Variants in STMN2 observed in about 807,000 individuals in gnomAD.
STMN2 encodes stathmin 2.
In STMN2, 2 loss-of-function variants were observed where a neutral mutation model predicts 24.1. That is an observed-to-expected ratio of 0.08 (90% CI 0.03 to 0.26). STMN2 has a LOEUF of 0.26. Among genes scored for constraint, STMN2 ranks in the 10% least tolerant of loss-of-function variants. The probability of loss-of-function intolerance (pLI) is 1.00; values close to 1 mark genes in which losing one functional copy is unlikely to be tolerated. For missense variants in STMN2, 114 were observed against 213.6 expected (o/e 0.53, Z 2.91); for synonymous variants, 83 against 77.5 (o/e 1.07, Z -0.37).
At chr8:79,616,434 C>T (rs866671099) in intron 1 of STMN2, among the ~76,000 whole-genome samples, 1 of 152,074 alleles carries the variant, frequency 6.6e-6, no homozygotes, top group Admixed American at 6.5e-5. Context: ...TAATTCTAAT[C>T]CAGCTATAAA....
chr8:79,640,451 C>CT (rs34533772), intron 2 of STMN2, among the ~76,000 whole-genome samples: 68,772 of 151,954 alleles, frequency 0.45, 16,281 homozygotes, highest in Middle Eastern at 0.54. Flanking sequence ...TTTCCCCCAA[C>CT]TTTTTTAAGG....
intron 4 of STMN2, among the ~76,000 whole-genome samples, chr8:79,662,809 T>A (rs1806528591): frequency 6.6e-6 from 1 of 152,132 alleles, no homozygotes; most frequent in Non-Finnish European, 1.5e-5. Context: ...TTTATATGAA[T>A]CTTTAGACTT....
rs1318796699 is a variant in STMN2, at chr8:79,611,208, G to A, written c.13G>A (p.Ala5Thr). The change falls in exon 1 of 5, where the codon GCA (alanine) becomes ACA (threonine). Residue 5 changes from alanine (A) to threonine (T), a missense_variant. Transcript: ENST00000220876. MAKT[A>T]MAYKEKMKEL... ...GCACATCCCTACAATGGCTAAAACA[G>A]CAATGGGTAAGGCACTGCGCCTCGT... The A allele has an allele frequency of 6.2e-7, 1 of 1,614,088 alleles. No homozygotes were observed. Among genetic ancestry groups the A allele is most frequent in the Middle Eastern group, 1.6e-4 (1 of 6,062 alleles).
chr8:79,664,785 G>T, intron 4 of STMN2, 30 bp from the exon 5 acceptor site: 1 of 1,609,330 alleles, frequency 6.2e-7, no homozygotes, highest in South Asian at 1.1e-5. Context: ...AAGGGCCTGT[G>T]ACATTTCTTC....
intron 4 of STMN2, among the ~76,000 whole-genome samples, chr8:79,656,437 G>A (rs1257701150): frequency 1.3e-5 from 2 of 152,202 alleles, no homozygotes; most frequent in Non-Finnish European, 2.9e-5. Flanking sequence ...GTCAAGTCAC[G>A]ATTTGGAAGA....
intron 2 of STMN2, among the ~76,000 whole-genome samples, chr8:79,639,119 A>T (rs1810035050): frequency 6.6e-6 from 1 of 152,202 alleles, no homozygotes; most frequent in African/African-American, 2.4e-5. Context: ...CTTGACCACA[A>T]CCTCCATGTG....
intron 1 of STMN2, among the ~76,000 whole-genome samples, chr8:79,629,212 C>T (rs539944267): frequency 6.6e-6 from 1 of 152,152 alleles, no homozygotes; most frequent in African/African-American, 2.4e-5. Flanking sequence ...AATAAAATCA[C>T]TGCAACATCA....
intron 2 of STMN2, 28 bp downstream of exon 2, chr8:79,636,925 T>C (rs1169905671): frequency 1.3e-6 from 2 of 1,590,602 alleles, no homozygotes; most frequent in Admixed American, 3.4e-5. Flanking sequence ...GACATACCCC[T>C]GCTAGCTAGA....
At chr8:79,637,408 G>A (rs2130350382) in intron 2 of STMN2, among the ~76,000 whole-genome samples, 1 of 152,292 alleles carries the variant, frequency 6.6e-6, no homozygotes, top group South Asian at 2.1e-4. Context: ...CCTAGATAAA[G>A]AGGGTCTGAA....
chr8:79,623,755 G>A (rs1809574396), intron 1 of STMN2, among the ~76,000 whole-genome samples: 1 of 151,992 alleles, frequency 6.6e-6, no homozygotes, highest in Admixed American at 6.6e-5. Context: ...ATAATATATT[G>A]CACTAAGCAG....
chr8:79,631,429 G>A (rs912015685), intron 1 of STMN2: 10 of 985,014 alleles, frequency 1.0e-5, no homozygotes, highest in African/African-American at 1.7e-5. Context: ...TTTTTGTAGA[G>A]AGAGATGGGT....
intron 2 of STMN2, among the ~76,000 whole-genome samples, chr8:79,640,160 A>G (rs1810062787): frequency 6.6e-6 from 1 of 152,210 alleles, no homozygotes; most frequent in African/African-American, 2.4e-5. Flanking sequence ...AGATAGTGCC[A>G]CTGCACTCCA....
intron 1 of STMN2, among the ~76,000 whole-genome samples, chr8:79,630,551 G>A (rs1011067773): frequency 2.0e-5 from 3 of 152,190 alleles, no homozygotes; most frequent in African/African-American, 7.2e-5. Context: ...TAAACATTCT[G>A]CATAGGAAGT....
chr8:79,636,068 T>C (rs1178309642), intron 1 of STMN2, among the ~76,000 whole-genome samples: 2 of 151,810 alleles, frequency 1.3e-5, no homozygotes, highest in African/African-American at 2.4e-5. Context: ...AATACAAAAA[T>C]TATCCAGGCA....
At chr8:79,650,396 C>G (rs1810309784) in intron 3 of STMN2, among the ~76,000 whole-genome samples, 1 of 152,152 alleles carries the variant, frequency 6.6e-6, no homozygotes. Flanking sequence ...TACTTCTCTG[C>G]CAAAAATGAA....
chr8:79,659,513 A>C (rs550544230), intron 4 of STMN2, among the ~76,000 whole-genome samples: 125 of 152,328 alleles, frequency 8.2e-4, no homozygotes, highest in African/African-American at 2.9e-3. Context: ...AGCATCCTGC[A>C]GAAAATTCAC....
intron 1 of STMN2, among the ~76,000 whole-genome samples, chr8:79,628,352 C>CG (rs1381397975): frequency 6.6e-6 from 1 of 151,858 alleles, no homozygotes; most frequent in African/African-American, 2.4e-5. Flanking sequence ...TTAGTAGAGA[C>CG]GGGGTTTCAC....
intron 3 of STMN2, among the ~76,000 whole-genome samples, chr8:79,649,836 A>G (rs1351831622): frequency 6.6e-6 from 1 of 152,138 alleles, no homozygotes; most frequent in Non-Finnish European, 1.5e-5. Flanking sequence ...TAGTAATTAA[A>G]CTCTTACACT....
At chr8:79,661,233 A>T (rs906322780) in intron 4 of STMN2, among the ~76,000 whole-genome samples, 2 of 152,122 alleles carry the variant, frequency 1.3e-5, no homozygotes, top group African/African-American at 4.8e-5. Context: ...CAGTGGTCAT[A>T]CTAATTTACA....
Sources: gnomAD v4.1 joint callset for allele counts (sites outside exome capture counted in the v4.1 genomes callset) on GRCh38, gnomAD v4.1.1 for gene constraint, MANE v1.5 for transcripts, NCBI Gene and HGNC (gene_info 2026-07-23, HGNC 2026-07-21) for gene names.